Variants in CDH18 observed in about 807,000 individuals in gnomAD.
CDH18 encodes cadherin-18.
CDH18 carries 31 observed loss-of-function variants against 67.9 expected under a neutral mutation model. The observed-to-expected ratio is 0.46, with a 90% CI of 0.34 to 0.62. CDH18 has a LOEUF of 0.62. CDH18 is among the 20% of genes least tolerant of loss of function. The pLI is 0.01. For synonymous variants in CDH18, 362 were observed against 347.2 expected, an observed-to-expected ratio of 1.04 and a Z score of -0.48; for missense variants, 890 against 975.5, an observed-to-expected ratio of 0.91 and a Z score of 1.17.
intron 5 of CDH18, among the ~76,000 whole-genome samples, chr5:19,670,197 T>C (rs1428078619): frequency 6.6e-6 from 1 of 152,138 alleles, no homozygotes; most frequent in Admixed American, 6.6e-5. Context: ...TCTATGAAGA[T>C]AATGTCTTTC....
At chr5:19,533,249 T>C (rs1382933919) in intron 9 of CDH18, among the ~76,000 whole-genome samples, 1 of 152,206 alleles carries the variant, frequency 6.6e-6, no homozygotes, top group Non-Finnish European at 1.5e-5. Context: ...AGAAAGAATC[T>C]TTTTCTTGAA....
rs575764585 is a variant in CDH18, at chr5:19,785,632, C to G, written c.229-38396G>C. On this transcript the variant is annotated intron_variant, in intron 3 of 12. Coordinates refer to ENST00000382275, the MANE Select transcript of CDH18 (RefSeq NM_004934.5). ...TCATGCCATTGCATTCCAGCCTCGGCAACAAGAGCAAAACTCTGTCTCAAA... is the reference window on the plus strand; with the variant it reads ...TCATGCCATTGCATTCCAGCCTCGGGAACAAGAGCAAAACTCTGTCTCAAA... Among the ~76,000 whole-genome samples the G allele has an allele frequency of 2.4e-4, 19 of 79,210 alleles. No individual in the cohort carries two copies. The South Asian group carries it at 7.3e-3, about 30-fold the overall frequency. 52.0% of individuals were successfully genotyped at this position (79,210 alleles called of 152,430 possible).
intron 1 of CDH18, among the ~76,000 whole-genome samples, chr5:20,383,887 T>A (rs1182004893): frequency 1.3e-5 from 2 of 152,078 alleles, no homozygotes; most frequent in Non-Finnish European, 2.9e-5. Flanking sequence ...AACAAGACTA[T>A]AATACAGGAA....
At chr5:20,566,592 GTCTCAATT>G in intron 1 of CDH18, among the ~76,000 whole-genome samples, 1 of 147,018 alleles carries the variant, frequency 6.8e-6, no homozygotes, top group African/African-American at 2.5e-5. Context: ...GGCCGAGATG[GTCTCAATT>G]TCCTGACTTC....
chr5:20,307,291 T>A (rs570250601), intron 1 of CDH18, among the ~76,000 whole-genome samples: 18 of 151,956 alleles, frequency 1.2e-4, no homozygotes, highest in East Asian at 7.7e-4. Context: ...TTTTTTTTTT[T>A]AAATAACATT....
rs1777047157 is a variant in CDH18, at chr5:19,798,106, A to G, written c.228+40653T>C. ...GATCCTAGTGGTTTTGAAACTGTTCAGTATCATAACTATAATGTTGGGGAT... is the reference window on the plus strand; with the variant it reads ...GATCCTAGTGGTTTTGAAACTGTTCGGTATCATAACTATAATGTTGGGGAT... On this transcript the variant is annotated intron_variant, in intron 3 of 12. Transcript: ENST00000382275. Among the ~76,000 whole-genome samples, 2 of 152,094 alleles carry G rather than the reference A, an allele frequency of 1.3e-5. 1 individual carries two copies. The highest frequency in any genetic ancestry group is 4.1e-4 in the South Asian group (2 of 4,834).
chr5:20,265,514 C>T (rs1421352461), intron 1 of CDH18, among the ~76,000 whole-genome samples: 1 of 151,666 alleles, frequency 6.6e-6, no homozygotes, highest in Non-Finnish European at 1.5e-5. Context: ...ATATAAGGCT[C>T]AGGGGCAATG....
intron 1 of CDH18, among the ~76,000 whole-genome samples, chr5:20,290,945 G>A (rs1376489086): frequency 6.6e-6 from 1 of 152,052 alleles, no homozygotes; most frequent in African/African-American, 2.4e-5. Flanking sequence ...GCAGAATTTA[G>A]GCTGATTTAA....
At chr5:19,579,147 C>G (rs1041930858) in intron 7 of CDH18, among the ~76,000 whole-genome samples, 1 of 151,966 alleles carries the variant, frequency 6.6e-6, no homozygotes, top group African/African-American at 2.4e-5. Flanking sequence ...CTATCACAGA[C>G]TGAAATTTGT....
intron 5 of CDH18, among the ~76,000 whole-genome samples, chr5:19,677,804 C>A (rs1278965199): frequency 6.6e-6 from 1 of 151,660 alleles, no homozygotes; most frequent in Admixed American, 6.6e-5. Flanking sequence ...TAAAAACTAA[C>A]AAAGATATTT....
chr5:20,567,154 T>C (rs796926546), intron 1 of CDH18, among the ~76,000 whole-genome samples: 33 of 152,240 alleles, frequency 2.2e-4, no homozygotes, highest in African/African-American at 7.5e-4. Flanking sequence ...TCTTGGAAGA[T>C]TGAAAATAAA....
chr5:19,623,310 T>A (rs1750987990), intron 5 of CDH18, among the ~76,000 whole-genome samples: 1 of 152,178 alleles, frequency 6.6e-6, no homozygotes, highest in Admixed American at 6.6e-5. Context: ...AATTTTAGCA[T>A]CAGGAAACTT....
intron 2 of CDH18, among the ~76,000 whole-genome samples, chr5:19,956,017 A>G (rs1796224142): frequency 6.6e-6 from 1 of 152,104 alleles, no homozygotes; most frequent in African/African-American, 2.4e-5. Context: ...AACATATGGA[A>G]TAAGGGGCTA....
chr5:20,319,890 C>A (rs575493665), intron 1 of CDH18, among the ~76,000 whole-genome samples: 1 of 152,326 alleles, frequency 6.6e-6, no homozygotes, highest in African/African-American at 2.4e-5. Context: ...GTACTCTAAT[C>A]AAGTTATGTA....
chr5:19,489,784 G>T (rs1334821226), intron 11 of CDH18, among the ~76,000 whole-genome samples: 1 of 152,108 alleles, frequency 6.6e-6, no homozygotes, highest in Admixed American at 6.6e-5. Context: ...AAATACACAT[G>T]AAACAACTAT....
At chr5:20,004,369 C>A (rs1383229326) in intron 2 of CDH18, among the ~76,000 whole-genome samples, 3 of 152,198 alleles carry the variant, frequency 2.0e-5, no homozygotes, top group Non-Finnish European at 2.9e-5. Context: ...GTATTCCTCA[C>A]ATGAATGCTA....
At chr5:20,033,058 T>C (rs1332312380) in intron 2 of CDH18, among the ~76,000 whole-genome samples, 1 of 151,984 alleles carries the variant, frequency 6.6e-6, no homozygotes, top group Admixed American at 6.6e-5. Context: ...TTTCCTTGCA[T>C]GTGACCTTGG....
At chr5:19,666,459 T>C (rs1216476322) in intron 5 of CDH18, among the ~76,000 whole-genome samples, 1 of 151,774 alleles carries the variant, frequency 6.6e-6, no homozygotes, top group Admixed American at 6.6e-5. Flanking sequence ...ATGAAAATGA[T>C]AAAACATCTC....
intron 11 of CDH18, among the ~76,000 whole-genome samples, chr5:19,484,872 T>C (rs554938558): frequency 1.1e-4 from 16 of 152,266 alleles, no homozygotes; most frequent in African/African-American, 3.8e-4. Flanking sequence ...GGGAACTCAA[T>C]AGGCAGCTAC....
Sources: gnomAD v4.1 joint callset for allele counts (sites outside exome capture counted in the v4.1 genomes callset) on GRCh38, gnomAD v4.1.1 for gene constraint, MANE v1.5 for transcripts, NCBI Gene and HGNC (gene_info 2026-07-23, HGNC 2026-07-21) for gene names.